Variants in UBE2K observed in about 807,000 individuals in gnomAD.
UBE2K encodes the protein ubiquitin-conjugating enzyme E2 K.
Under a neutral mutation model 30.0 loss-of-function variants are expected in UBE2K, and 6 were observed. The ratio of observed to expected loss-of-function variants is 0.20; its 90% CI spans 0.11 to 0.39. The LOEUF is 0.39. Ranked by LOEUF, UBE2K falls within the 10% of genes least tolerant of loss-of-function variation. The probability of loss-of-function intolerance (pLI) is 1.00; values close to 1 mark genes in which losing one functional copy is unlikely to be tolerated. For missense variants in UBE2K, 61 were observed against 241.6 expected (o/e 0.25, Z 4.96); for synonymous variants, 86 against 83.7 (o/e 1.03, Z -0.15).
chr4:39,771,403 A>T (rs1384116159), intron 4 of UBE2K: 5 of 1,611,082 alleles, frequency 3.1e-6, no homozygotes, highest in Non-Finnish European at 4.2e-6. Flanking sequence ...GTGGCCGGGC[A>T]GCTGGAAGCG....
chr4:39,770,000 C>G, intron 4 of UBE2K: 1 of 1,145,792 alleles, frequency 8.7e-7, no homozygotes, highest in East Asian at 2.4e-5. Context: ...AGACCCCCCA[C>G]CCACCAATTC....
At chr4:39,732,265 C>G (rs1482816847) in intron 1 of UBE2K, among the ~76,000 whole-genome samples, 1 of 152,166 alleles carries the variant, frequency 6.6e-6, no homozygotes, top group Non-Finnish European at 1.5e-5. Context: ...TTAACTTGTT[C>G]ATAGCTAGTA....
At chr4:39,735,023 G>A (rs1720298671) in intron 1 of UBE2K, among the ~76,000 whole-genome samples, 1 of 152,066 alleles carries the variant, frequency 6.6e-6, no homozygotes, top group Admixed American at 6.6e-5. Flanking sequence ...TTGGAGGGGG[G>A]ATTGTGGAAA....
At chr4:39,770,729 G>A (rs1451101833) in intron 4 of UBE2K, 4 of 1,581,854 alleles carry the variant, frequency 2.5e-6, no homozygotes, top group South Asian at 1.2e-5. Flanking sequence ...GGCCACCCAC[G>A]GAGCCTCCAA....
intron 5 of UBE2K, 50 bp from the exon 6 acceptor site, chr4:39,777,632 C>T (rs747289334): frequency 1.6e-5 from 24 of 1,454,746 alleles, no homozygotes; most frequent in Non-Finnish European, 2.1e-5. Flanking sequence ...TGAAATATAT[C>T]AAATATTATA....
intron 3 of UBE2K, among the ~76,000 whole-genome samples, chr4:39,746,622 G>T (rs1183766350): frequency 6.6e-6 from 1 of 152,106 alleles, no homozygotes. Flanking sequence ...CCCCAGTCTT[G>T]TTTCCCACTC....
chr4:39,732,178 A>T (rs961609509), intron 1 of UBE2K, among the ~76,000 whole-genome samples: 4 of 152,172 alleles, frequency 2.6e-5, no homozygotes, highest in African/African-American at 9.6e-5. Flanking sequence ...TTATTCGTTA[A>T]ATTCACCAGC....
chr4:39,765,908 T>TATACATACATACATACATACATAC (rs146565301), intron 4 of UBE2K, among the ~76,000 whole-genome samples: 38 of 149,750 alleles, frequency 2.5e-4, no homozygotes, highest in East Asian at 4.0e-4. Context: ...AGGATATATA[T>TATACATACATACATACATACATAC]ATACATACAT....
chr4:39,698,164 A>T lies in UBE2K; in HGVS notation c.-164A>T, dbSNP rs1578404519. 6 of 720,744 alleles carry T rather than the reference A, an allele frequency of 8.3e-6. No homozygotes were observed. In the East Asian group the frequency reaches 1.4e-4, roughly 16 times the overall value. The allele number at this position is 720,744 out of a possible 1,614,324, so 44.6% of individuals were successfully genotyped here. A position where few individuals can be genotyped will look rare whatever the true frequency, so the allele number is the denominator to read the frequency against. On this transcript the variant is annotated 5_prime_UTR_variant, in exon 1 of 7. Coordinates refer to ENST00000261427, the MANE Select transcript of UBE2K (RefSeq NM_005339.5). ...ATTTTGGTGGCCGGGCGCGGAGGTG[A>T]TTCCACACTGAGGCGAGCGCGGCGG...
chr4:39,761,367 C>T (rs966241212), intron 4 of UBE2K: 2 of 152,084 alleles, frequency 1.3e-5, no homozygotes, highest in Admixed American at 6.6e-5. Flanking sequence ...TTTGAATGAA[C>T]GTGGTTTAAT....
intron 1 of UBE2K, among the ~76,000 whole-genome samples, chr4:39,701,968 C>A (rs896559827): frequency 3.3e-5 from 5 of 151,720 alleles, no homozygotes; most frequent in Admixed American, 6.6e-5. Flanking sequence ...ACCATGTTGG[C>A]CAGGCTGGTC....
chr4:39,769,685 C>G (rs1406796519), intron 4 of UBE2K, among the ~76,000 whole-genome samples: 7 of 147,034 alleles, frequency 4.8e-5, no homozygotes, highest in Admixed American at 4.7e-4. Flanking sequence ...CACCCACCCC[C>G]CCACCCTTCT....
At chr4:39,741,574 A>T (rs1308128029) in intron 2 of UBE2K, among the ~76,000 whole-genome samples, 1 of 152,238 alleles carries the variant, frequency 6.6e-6, no homozygotes, top group Non-Finnish European at 1.5e-5. Context: ...AATGTTAAGC[A>T]ATTTATAACC....
chr4:39,767,310 TG>T (rs1712409952), intron 4 of UBE2K, among the ~76,000 whole-genome samples: 3 of 132,652 alleles, frequency 2.3e-5, no homozygotes, highest in Non-Finnish European at 4.7e-5. Context: ...TTTTTTTTTT[TG>T]TGTGTGTGTT....
chr4:39,705,614 A>T (rs1028709779), intron 1 of UBE2K, among the ~76,000 whole-genome samples: 5 of 152,120 alleles, frequency 3.3e-5, no homozygotes, highest in African/African-American at 1.2e-4. Flanking sequence ...GGATAGATAA[A>T]AATGGTGGGG....
At position 39,777,811 on chromosome 4, in the gene UBE2K, G is replaced by T; in HGVS notation, c.528+1G>T. The T allele has an allele frequency of 6.7e-7, 1 of 1,483,312 alleles. No homozygotes were observed. Among genetic ancestry groups the T allele is most frequent in the South Asian group, 1.5e-5 (1 of 66,770 alleles). The allele number at this position is 1,483,312 out of a possible 1,614,324, so 91.9% of individuals were successfully genotyped here. A position where few individuals can be genotyped will look rare whatever the true frequency, so the allele number is the denominator to read the frequency against. On this transcript the variant is annotated splice_donor_variant, in intron 6 of 6. Coordinates refer to ENST00000261427, the MANE Select transcript of UBE2K (RefSeq NM_005339.5). LOFTEE classifies it high-confidence loss of function. ...CCTATGTGCTATGGGCTTTGATAGG[G>T]TAAGTACATAAGGGCATGTTGATTT...
intron 1 of UBE2K, among the ~76,000 whole-genome samples, chr4:39,704,713 G>A (rs923750566): frequency 6.6e-5 from 10 of 151,854 alleles, no homozygotes; most frequent in African/African-American, 2.2e-4. Flanking sequence ...GCTAATTTAT[G>A]TAATTTTTTG....
intron 1 of UBE2K, among the ~76,000 whole-genome samples, chr4:39,703,356 TA>T (rs1048575708): frequency 1.3e-5 from 2 of 151,566 alleles, no homozygotes; most frequent in African/African-American, 4.8e-5. Context: ...TACTAACATT[TA>T]AAAAAAATCA....
At chr4:39,771,387 G>C (rs553022185) in intron 4 of UBE2K, 4 of 1,611,920 alleles carry the variant, frequency 2.5e-6, no homozygotes, top group Admixed American at 1.7e-5. Flanking sequence ...GTAGCGTAGC[G>C]GCCTAGTGGC....
Sources: gnomAD v4.1 joint callset for allele counts (sites outside exome capture counted in the v4.1 genomes callset) on GRCh38, gnomAD v4.1.1 for gene constraint, MANE v1.5 for transcripts, NCBI Gene and HGNC (gene_info 2026-07-23, HGNC 2026-07-21) for gene names.